Variants in CCDC152 observed in about 807,000 individuals in gnomAD.
CCDC152 encodes coiled-coil domain-containing protein 152.
A neutral mutation model predicts 38.1 loss-of-function variants in CCDC152; 37 were observed. That is an observed-to-expected ratio of 0.97 (90% CI 0.75 to 1.28). CCDC152 has a LOEUF of 1.28. Among genes scored for constraint, CCDC152 ranks in the 50% most tolerant of loss-of-function variants. The pLI, the probability that CCDC152 is intolerant of heterozygous loss-of-function variation, is 0.00. For synonymous variants in CCDC152, 83 were observed against 87.1 expected (o/e 0.95, Z 0.26); for missense variants, 259 against 292.1 (o/e 0.89, Z 0.83).
chr5:42,777,441 G>T (rs2014958), intron 4 of CCDC152, among the ~76,000 whole-genome samples: 1 of 150,202 alleles, frequency 6.7e-6, no homozygotes, highest in African/African-American at 2.5e-5. Context: ...CAGCCTGGGG[G>T]ACAAGAGCAA....
intron 3 of CCDC152, among the ~76,000 whole-genome samples, chr5:42,767,921 A>G (rs528507928): frequency 1.0e-3 from 159 of 152,312 alleles, no homozygotes; most frequent in African/African-American, 3.7e-3. Flanking sequence ...GCAGATTCTC[A>G]GCTAATTTCT....
intron 3 of CCDC152, among the ~76,000 whole-genome samples, chr5:42,764,574 T>C (rs1020315367): frequency 6.6e-6 from 1 of 152,210 alleles, no homozygotes; most frequent in East Asian, 1.9e-4. Context: ...AGATCTTTCA[T>C]CATGACCAAG....
chr5:42,757,698 A>G (rs554036081), intron 1 of CCDC152, among the ~76,000 whole-genome samples: 1 of 152,366 alleles, frequency 6.6e-6, no homozygotes, highest in Non-Finnish European at 1.5e-5. Context: ...TTATGGCAAA[A>G]GGGATATCAT....
intron 4 of CCDC152, 36 bp from the exon 5 acceptor site, chr5:42,779,422 T>C (rs1335203790): frequency 8.6e-7 from 1 of 1,159,448 alleles, no homozygotes; most frequent in Non-Finnish European, 1.3e-6. Context: ...TGAAAAGTGC[T>C]ATATATTATG....
chr5:42,769,047 G>A (rs1394353823), intron 3 of CCDC152, among the ~76,000 whole-genome samples: 2 of 152,006 alleles, frequency 1.3e-5, no homozygotes, highest in Admixed American at 6.6e-5. Context: ...TCAGGAGTTC[G>A]AGACCGCATG....
At chr5:42,785,796 G>A (rs574833606) in intron 6 of CCDC152, among the ~76,000 whole-genome samples, 5 of 152,146 alleles carry the variant, frequency 3.3e-5, no homozygotes, top group African/African-American at 9.6e-5. Context: ...TTTGAGGTAC[G>A]TTCCTTCAAT....
intron 6 of CCDC152, among the ~76,000 whole-genome samples, chr5:42,790,547 A>T (rs1353323003): frequency 6.6e-6 from 1 of 152,158 alleles, no homozygotes; most frequent in Non-Finnish European, 1.5e-5. Flanking sequence ...CCAAGACAGG[A>T]TTAGACATTT....
At position 42,801,311 on chromosome 5, in the gene CCDC152, A is replaced by AT; in HGVS notation, c.*1530_*1531insT. On this transcript the variant is annotated 3_prime_UTR_variant, in exon 9 of 9. Transcript: ENST00000361970. ...CAGTAGCCAAAGATACACGTTTACA[A>AT]AAGTCTTCATCTTTGAGAGTCTGGA... 1 of 1,609,636 alleles carries AT rather than the reference A, an allele frequency of 6.2e-7. No homozygotes were observed. Among genetic ancestry groups the AT allele is most frequent in the Non-Finnish European group, 8.5e-7 (1 of 1,177,860 alleles).
intron 6 of CCDC152, among the ~76,000 whole-genome samples, chr5:42,785,774 G>T (rs1394700371): frequency 6.6e-6 from 1 of 151,970 alleles, no homozygotes; most frequent in South Asian, 2.1e-4. Context: ...TGTCATGTAT[G>T]GCTCTTGTTA....
intron 4 of CCDC152, among the ~76,000 whole-genome samples, chr5:42,774,476 C>T (rs1759745065): frequency 6.6e-6 from 1 of 152,138 alleles, no homozygotes; most frequent in Admixed American, 6.5e-5. Context: ...GCCTAAACTA[C>T]TGGGGTTTTA....
chr5:42,798,023 A>T (rs1348883223), intron 7 of CCDC152, among the ~76,000 whole-genome samples: 2 of 152,140 alleles, frequency 1.3e-5, no homozygotes, highest in Non-Finnish European at 2.9e-5. Context: ...GTGATGGCAG[A>T]TGCCTGTTAT....
intron 3 of CCDC152, among the ~76,000 whole-genome samples, chr5:42,765,469 C>CA (rs34209114): frequency 0.77 from 116,432 of 152,024 alleles, 44,883 homozygotes; most frequent in East Asian, 1. Context: ...CTGTCCTAAG[C>CA]AAATGAAAAA....
chr5:42,785,021 T>C (rs1759900095), intron 6 of CCDC152, among the ~76,000 whole-genome samples: 2 of 152,158 alleles, frequency 1.3e-5, no homozygotes, highest in Non-Finnish European at 2.9e-5. Context: ...GTAGAATAGT[T>C]TGAAGTAGGG....
chr5:42,800,630 T>C lies in CCDC152; in HGVS notation c.*849T>C. ...CATGTTTGCACAAATCTAATTTCTA[T>C]TTTTGGTTCACTAATTTGGTAGTTT... On this transcript the variant is annotated 3_prime_UTR_variant, in exon 9 of 9. Transcript: ENST00000361970. 1 of 1,420,318 alleles carries C rather than the reference T, an allele frequency of 7.0e-7. No individual in the cohort carries two copies. The highest frequency in any genetic ancestry group is 9.5e-7 in the Non-Finnish European group (1 of 1,055,612). 88.0% of individuals were successfully genotyped at this position (1,420,318 alleles called of 1,614,324 possible). A position where few individuals can be genotyped will look rare whatever the true frequency, so the allele number is the denominator to read the frequency against.
chr5:42,778,481 T>G (rs1296081492), intron 4 of CCDC152, among the ~76,000 whole-genome samples: 1 of 152,204 alleles, frequency 6.6e-6, no homozygotes, highest in Admixed American at 6.5e-5. Flanking sequence ...ATTACAGTTT[T>G]AAACCGACCT....
rs778463136 is a variant in CCDC152 at position 42,801,336 on chromosome 5, A to G, written c.*1555A>G. ...AAAGTCTTCATCTTTGAGAGTCTGG[A>G]ACAAATTTATAAATCACTTTTTAAC... is the stretch of plus-strand genomic sequence containing the variant. On this transcript the variant is annotated 3_prime_UTR_variant, in exon 9 of 9. Transcript: ENST00000361970. 1.3e-6 allele frequency: 2 copies of G among 1,588,166 alleles called. No individual in the cohort carries two copies. Among genetic ancestry groups the G allele is most frequent in the East Asian group, 4.5e-5 (2 of 44,614 alleles).
chr5:42,789,212 T>G (rs1404545722), intron 6 of CCDC152, among the ~76,000 whole-genome samples: 1 of 152,242 alleles, frequency 6.6e-6, no homozygotes, highest in Non-Finnish European at 1.5e-5. Flanking sequence ...TGCAGGGCTC[T>G]GAGTTCCTTT....
intron 4 of CCDC152, among the ~76,000 whole-genome samples, chr5:42,776,144 C>CAGAGAT (rs1472125455): frequency 6.6e-6 from 1 of 151,988 alleles, no homozygotes; most frequent in African/African-American, 2.4e-5. Flanking sequence ...GTTTACAAGA[C>CAGAGAT]AGAGATTATC....
chr5:42,763,465 A>G (rs1007307261), intron 3 of CCDC152, among the ~76,000 whole-genome samples: 1 of 150,884 alleles, frequency 6.6e-6, no homozygotes, highest in East Asian at 2.4e-4. Flanking sequence ...CACTTTCTTT[A>G]CTATAGTGAA....
Sources: allele counts gnomAD v4.1 joint callset (sites outside exome capture counted in the v4.1 genomes callset), GRCh38; gene constraint gnomAD v4.1.1; transcripts MANE v1.5; gene names NCBI Gene and HGNC (gene_info 2026-07-23, HGNC 2026-07-21).